The following RECQL5 variants were observed in gnomAD, a reference collection of about 807,000 sequenced individuals.
RECQL5 encodes the protein RecQ like helicase 5.
In RECQL5, 88 loss-of-function variants were observed where a neutral mutation model predicts 103.4. The ratio of observed to expected loss-of-function variants is 0.85; its 90% CI spans 0.72 to 1.02. The LOEUF is 1.02. RECQL5 is among the 50% of genes least tolerant of loss of function. RECQL5 has a pLI of 0.00. For missense variants in RECQL5, 1,232 were observed against 1,284.3 expected (o/e 0.96, Z 0.62); for synonymous variants, 552 against 507.9 (o/e 1.09, Z -1.17).
chr17:75,632,029 C>T (rs1451577733), intron 8 of RECQL5, among the ~76,000 whole-genome samples: 2 of 152,208 alleles, frequency 1.3e-5, no homozygotes, highest in African/African-American at 2.4e-5. Flanking sequence ...ACACACTTCA[C>T]CTCCTAAAGC....
At chr17:75,631,776 C>A in intron 8 of RECQL5, 108 bp from the exon 9 acceptor site, 1 of 1,154,132 alleles carries the variant, frequency 8.7e-7, no homozygotes, top group South Asian at 1.4e-5. Flanking sequence ...CGTCCGGCAC[C>A]ATGCCGGGAG....
chr17:75,630,651 G>A lies in RECQL5; in HGVS notation c.1686C>T (p.Ser562=). 6.2e-7 allele frequency: 1 copy of A among 1,613,424 alleles called. No homozygotes were observed. Residue 562 remains serine, a synonymous_variant, in exon 13 of 20, where the codon AGC becomes AGT. Transcript: ENST00000317905. ...HCLRLLEEAL[S]SNRQSTRTAD... The stretch of plus-strand genomic sequence containing the variant: ...CGGTACGTGTTGACTGGCGGTTGCT[G>A]CTCAGCGCCTCCTCCAGAAGCCGCA...
At chr17:75,635,848 T>C in intron 8 of RECQL5, 1 of 985,400 alleles carries the variant, frequency 1.0e-6, no homozygotes, top group Non-Finnish European at 1.2e-6. Flanking sequence ...CAGCCCTTCC[T>C]CGTGAGGCGC....
chr17:75,663,420 G>T (rs1430226493), intron 3 of RECQL5, among the ~76,000 whole-genome samples: 1 of 151,836 alleles, frequency 6.6e-6, no homozygotes, highest in African/African-American at 2.4e-5. Context: ...ATAATTTTGT[G>T]CATGAAAAAA....
intron 8 of RECQL5, among the ~76,000 whole-genome samples, chr17:75,645,884 T>A (rs1301549397): frequency 6.6e-6 from 1 of 152,054 alleles, no homozygotes; most frequent in Non-Finnish European, 1.5e-5. Context: ...AGCTCCTAGA[T>A]CTTTACCAGC....
intron 7 of RECQL5, among the ~76,000 whole-genome samples, chr17:75,652,776 G>A (rs2059571627): frequency 6.6e-6 from 1 of 152,194 alleles, no homozygotes; most frequent in African/African-American, 2.4e-5. Context: ...AAGAGCCTCA[G>A]GTTTCTGTCC....
At chr17:75,645,351 A>G (rs897093152) in intron 8 of RECQL5, among the ~76,000 whole-genome samples, 3 of 152,182 alleles carry the variant, frequency 2.0e-5, no homozygotes, top group Admixed American at 2.0e-4. Context: ...CAGCGCTCAG[A>G]CTGTGTGCTG....
chr17:75,649,674 A>G, intron 8 of RECQL5: 2 of 985,504 alleles, frequency 2.0e-6, no homozygotes, highest in Non-Finnish European at 2.4e-6. Context: ...GTTATGCAAT[A>G]AAGAAACATT....
rs2059213588 is a variant in RECQL5 at position 75,631,502 on chromosome 17, A to C, written c.1396T>G (p.Phe466Val). 3 of 1,613,260 alleles carry C rather than the reference A, an allele frequency of 1.9e-6. No homozygotes were observed. The highest frequency in any genetic ancestry group is 1.7e-6 in the Non-Finnish European group (2 of 1,179,980). Reference sequence around the variant, plus strand: ...CCTCCCTCATACAGCTCGGGGTCAAAGCCGTTCCCCTGGGAGGGCCCGATG... The same window carrying C: ...CCTCCCTCATACAGCTCGGGGTCAACGCCGTTCCCCTGGGAGGGCCCGATG... ...TCIGPSQGNG[F>V]DPELYEGGRK... Residue 466 changes from phenylalanine to valine, a missense_variant, in exon 9 of 20, where the codon TTT becomes GTT. Phe to Val is a conservative substitution (Grantham distance 50). Coordinates refer to ENST00000317905, the MANE Select transcript of RECQL5 (RefSeq NM_004259.7).
intron 15 of RECQL5, 36 bp downstream of exon 15, chr17:75,629,672 G>A (rs779974614): frequency 1.3e-6 from 2 of 1,574,424 alleles, no homozygotes; most frequent in East Asian, 4.5e-5. Flanking sequence ...AGCCTTTCCT[G>A]GTCACAGGTC....
intron 16 of RECQL5, 84 bp from the exon 17 acceptor site, chr17:75,628,846 G>A (rs1314258049): frequency 6.3e-7 from 1 of 1,592,516 alleles, no homozygotes; most frequent in Non-Finnish European, 8.5e-7. Flanking sequence ...CCATCTCAGG[G>A]GTGAGCTCTG....
chr17:75,648,710 A>T (rs2059518789), intron 8 of RECQL5, among the ~76,000 whole-genome samples: 1 of 116,004 alleles, frequency 8.6e-6, no homozygotes, highest in Non-Finnish European at 1.7e-5. Flanking sequence ...TCTCACTCCC[A>T]TCACCCAGGC....
chr17:75,640,045 A>G lies in RECQL5; in HGVS notation c.1230-8377T>C. On this transcript the variant is annotated intron_variant, in intron 8 of 19. Coordinates refer to ENST00000317905, the MANE Select transcript of RECQL5 (RefSeq NM_004259.7). This position sits in a 1 kb window ranked among gnomAD's most constrained non-coding sequence, Gnocchi z 4.6. ...CTAGGTGGAAGTCACCAGGGGTGCA[A>G]TGTGTGAGACCTGACAAACTTGTTC... 9.5e-7 allele frequency: 1 copy of G among 1,056,346 alleles called. No individual in the cohort carries two copies. The highest frequency in any genetic ancestry group is 1.7e-5 in the South Asian group (1 of 58,082). 65.4% of individuals were successfully genotyped at this position (1,056,346 alleles called of 1,614,324 possible). A position where few individuals can be genotyped will look rare whatever the true frequency, so the allele number is the denominator to read the frequency against.
chr17:75,662,605 G>A lies in RECQL5; in HGVS notation c.645C>T (p.Ile215=), dbSNP rs1230337744. Residue 215 remains isoleucine (I), a synonymous_variant, in exon 4 of 20, where the codon ATC becomes ATT. Coordinates refer to ENST00000317905, the MANE Select transcript of RECQL5 (RefSeq NM_004259.7). The part of the protein sequence containing the change: ...AALHLKKPVA[I]FKTPCFRANL... The stretch of plus-strand genomic sequence containing the variant: ...TGGCCCGGAAGCAGGGAGTCTTGAA[G>A]ATGGCAACTGGTTTCTTCAGGTGCA... The A allele has an allele frequency of 6.2e-7, 1 of 1,614,164 alleles. No homozygotes were observed. The highest frequency in any genetic ancestry group is 8.5e-7 in the Non-Finnish European group (1 of 1,180,040).
Position 75,630,227 on chromosome 17 carries a change from T to G in RECQL5, c.1769A>C (p.Asn590Thr), listed in dbSNP as rs1490184759. ...AVELEHETFR[N>T]AKVANLYKAS... ...CTTGTAGAGGTTGGCCACCTTGGCG[T>G]TCCGGAATGTCTCATGTTCCAGCTC... Residue 590 changes from asparagine to threonine, a missense_variant, in exon 14 of 20, where the codon AAC becomes ACC. Coordinates refer to ENST00000317905, the MANE Select transcript of RECQL5 (RefSeq NM_004259.7). The G allele has an allele frequency of 6.4e-7, 1 of 1,560,664 alleles. No individual in the cohort carries two copies. The highest frequency in any genetic ancestry group is 8.7e-7 in the Non-Finnish European group (1 of 1,151,554).
At position 75,629,712 on chromosome 17, in the gene RECQL5, T is replaced by G. The variant is rs1385143221; in HGVS notation, c.1943A>C (p.Tyr648Ser). The change falls in exon 15 of 20, where the codon TAC becomes TCC. Residue 648 changes from tyrosine (Y) to serine (S), a missense_variant. By Grantham distance (144) the Tyr-to-Ser change is moderately radical (BLOSUM62 -2). Transcript: ENST00000317905. ...EYDIPPASHVYSLKPKRVGAG... is the reference protein window; with the variant it reads ...EYDIPPASHVSSLKPKRVGAG... ...GGCCACTGGGCCACAGCTCACCGAG[T>G]ACACATGGGAGGCTGGTGGAATGTC... The G allele has an allele frequency of 2.5e-6, 4 of 1,608,826 alleles. No homozygotes were observed. Among genetic ancestry groups the G allele is most frequent in the Non-Finnish European group, 3.4e-6 (4 of 1,176,348 alleles).
At position 75,640,289 on chromosome 17, in the gene RECQL5, G is replaced by A. The variant is rs374659618; in HGVS notation, c.1230-8621C>T. The A allele has an allele frequency of 1.4e-5, 21 of 1,551,116 alleles. No individual in the cohort carries two copies. In the East Asian group the frequency reaches 2.0e-4, roughly 14 times the overall value. ...GCAGAGACTGCCCCAGGCTGAGCCC[G>A]TGGAGATCGTGGCCTTCTCAGTCAT... On this transcript the variant is annotated intron_variant, in intron 8 of 19. Coordinates refer to ENST00000317905, the MANE Select transcript of RECQL5 (RefSeq NM_004259.7). This position sits in a 1 kb window ranked among gnomAD's most constrained non-coding sequence, Gnocchi z 4.6.
In RECQL5 at chr17:75,630,853, G is replaced by T; in HGVS notation, c.1586-16C>A. The T allele has an allele frequency of 5.7e-6, 8 of 1,405,030 alleles. No homozygotes were observed. The highest frequency in any genetic ancestry group is 6.7e-6 in the Non-Finnish European group (7 of 1,039,020). The allele number at this position is 1,405,030 out of a possible 1,614,324, so 87.0% of individuals were successfully genotyped here. On this transcript the variant is annotated splice_polypyrimidine_tract_variant and intron_variant, in intron 11 of 19. Coordinates refer to ENST00000317905, the MANE Select transcript of RECQL5 (RefSeq NM_004259.7). ...CAGTTCTCATCTGTGGGGGGGGGGG[G>T]TGGTCCTTGGTCCTTTCGCTCCACC...
intron 8 of RECQL5, among the ~76,000 whole-genome samples, chr17:75,643,658 G>A (rs890586840): frequency 6.6e-6 from 1 of 152,258 alleles, no homozygotes; most frequent in African/African-American, 2.4e-5. Flanking sequence ...CCCACTGTGG[G>A]AAAGAATAAA....
Sources: allele counts gnomAD v4.1 joint callset (sites outside exome capture counted in the v4.1 genomes callset), GRCh38; gene constraint gnomAD v4.1.1; non-coding constraint Gnocchi (gnomAD v3.1); transcripts MANE v1.5; gene names NCBI Gene and HGNC (gene_info 2026-07-23, HGNC 2026-07-21).